Variants in GLDC observed in about 807,000 individuals in gnomAD.
GLDC encodes the protein glycine decarboxylase.
A neutral mutation model predicts 121.3 loss-of-function variants in GLDC; 104 were observed. That is an observed-to-expected ratio of 0.86 (90% confidence interval 0.73 to 1.01). The LOEUF is 1.01. Among genes scored for constraint, GLDC ranks in the 50% least tolerant of loss-of-function variants. The pLI is 0.00. For synonymous variants in GLDC, 546 were observed against 480.6 expected, an observed-to-expected ratio of 1.14 and a Z score of -1.78; for missense variants, 1,429 against 1,306.6, an observed-to-expected ratio of 1.09 and a Z score of -1.44.
chr9:6,556,793 C>CA (rs71308875), intron 17 of GLDC, among the ~76,000 whole-genome samples: 50,726 of 138,252 alleles, frequency 0.37, 8,898 homozygotes, highest in East Asian at 0.44. Flanking sequence ...GACTCCACGT[C>CA]AAAAAAAAAA....
In GLDC at chr9:6,604,637, G is replaced by A. The variant is rs386833517; in HGVS notation, c.1009C>T (p.Arg337Ter). ...GGCATCATTCTCACCAAGCTTTCTC[G>A]GACAGCAAAAAATGCTGCATGGGGT... ...GGPHAAFFAV[R>*]ESLVRMMPGR... The change falls in exon 7 of 25, where the codon CGA becomes TGA. Residue 337 changes from arginine to a stop codon, truncating the protein, a stop_gained. Coordinates refer to ENST00000321612, the MANE Select transcript of GLDC (RefSeq NM_000170.3). LOFTEE classifies it high-confidence loss of function. The A allele has an allele frequency of 1.3e-5, 21 of 1,613,410 alleles. No individual in the cohort carries two copies. Among genetic ancestry groups the A allele is most frequent in the Non-Finnish European group, 1.5e-5 (18 of 1,179,986 alleles).
At chr9:6,550,029 G>C (rs1817479288) in intron 21 of GLDC, among the ~76,000 whole-genome samples, 2 of 152,090 alleles carry the variant, frequency 1.3e-5, no homozygotes, top group South Asian at 4.1e-4. Context: ...CCAGACCAGA[G>C]AGCTTTCTTT....
In GLDC at chr9:6,592,234, A is replaced by G; in HGVS notation, c.1402-11T>C. On this transcript the variant is annotated splice_polypyrimidine_tract_variant and intron_variant, in intron 10 of 24. Transcript: ENST00000321612. ...AAGAGAAATACCAAGCTACAGAAAC[A>G]CAAACAAAATGGAAAACATCAACTC... The G allele has an allele frequency of 6.5e-7, 1 of 1,549,160 alleles. No individual in the cohort carries two copies. The highest frequency in any genetic ancestry group is 8.9e-7 in the Non-Finnish European group (1 of 1,121,644).
chr9:6,563,946 T>C (rs1196167176), intron 16 of GLDC, among the ~76,000 whole-genome samples: 1 of 150,650 alleles, frequency 6.6e-6, no homozygotes, highest in African/African-American at 2.4e-5. Flanking sequence ...CAGTGAGCTA[T>C]GAAGAGAAAA....
chr9:6,549,866 T>A (rs1214624205), intron 21 of GLDC, among the ~76,000 whole-genome samples: 4 of 152,132 alleles, frequency 2.6e-5, no homozygotes, highest in African/African-American at 9.7e-5. Context: ...AACGGTCTCT[T>A]CATGAATCCC....
At chr9:6,624,945 G>T (rs992000616) in intron 2 of GLDC, among the ~76,000 whole-genome samples, 1 of 151,140 alleles carries the variant, frequency 6.6e-6, no homozygotes, top group Non-Finnish European at 1.5e-5. Context: ...CTGAGATCAC[G>T]CCACTGCACT....
At chr9:6,586,386 A>G (rs1818273344) in intron 15 of GLDC, among the ~76,000 whole-genome samples, 1 of 152,112 alleles carries the variant, frequency 6.6e-6, no homozygotes, top group Non-Finnish European at 1.5e-5. Flanking sequence ...CGGGGCCCGG[A>G]GTTTGTATTT....
rs868407173 is a variant in GLDC at position 6,606,654 on chromosome 9, C to A, written c.651G>T (p.Arg217Ser). Residue 217 changes from arginine (R) to serine (S), a missense_variant, in exon 5 of 25, where the codon AGG (arginine) becomes AGT (serine). By Grantham distance (110) the Arg-to-Ser change is moderately radical. Transcript: ENST00000321612. ...LQLCYRHNKR[R>S]KFLVDPRCHP... ...GGCAACGGGGATCAACGAGAAATTT[C>A]CTCCTCTTGTTGTGTCTGTTGAAAA... 31 of 1,602,158 alleles carry A rather than the reference C, an allele frequency of 1.9e-5. No individual in the cohort carries two copies. The highest frequency in any genetic ancestry group is 2.7e-5 in the Non-Finnish European group (31 of 1,169,506).
At position 6,539,746 on chromosome 9, in the gene GLDC, G is replaced by C. The variant is rs180760410; in HGVS notation, c.2665+305C>G. Among the ~76,000 whole-genome samples the C allele has an allele frequency of 7.8e-4, 119 of 152,286 alleles. No individual in the cohort carries two copies. The Middle Eastern group carries it at 0.01, about 13-fold the overall frequency. ...CCATTTGTCTCTACCACTTCGATGG[G>C]TTACTTGCTCTGTCTCCTTTACCAC... On this transcript the variant is annotated intron_variant, in intron 22 of 24. Transcript: ENST00000321612.
At chr9:6,613,641 A>T (rs887166247) in intron 3 of GLDC, among the ~76,000 whole-genome samples, 8 of 152,214 alleles carry the variant, frequency 5.3e-5, no homozygotes, top group African/African-American at 1.9e-4. Flanking sequence ...ATCTTGATTT[A>T]TTTAACGAGT....
intron 21 of GLDC, among the ~76,000 whole-genome samples, chr9:6,543,378 G>C (rs1817311368): frequency 6.6e-6 from 1 of 152,148 alleles, no homozygotes; most frequent in Non-Finnish European, 1.5e-5. Flanking sequence ...GAGGAGGGGA[G>C]AGACACAGTG....
Position 6,588,309 on chromosome 9 carries a change from C to T in GLDC, c.1707+92G>A, listed in dbSNP as rs1020659963. 4.6e-5 allele frequency: 40 copies of T among 865,474 alleles called. No homozygotes were observed. The African/African-American group carries it at 5.9e-4, about 13-fold the overall frequency. The allele number at this position is 865,474 out of a possible 1,614,324, so 53.6% of individuals were successfully genotyped here. A position where few individuals can be genotyped will look rare whatever the true frequency, so the allele number is the denominator to read the frequency against. ...AAATAGTTCTTCAATCACAGAATCA[C>T]AGTCCCAGTAGATTTCACTAGTTCT... is the stretch of plus-strand genomic sequence containing the variant. On this transcript the variant is annotated intron_variant, in intron 14 of 24. Coordinates refer to ENST00000321612, the MANE Select transcript of GLDC (RefSeq NM_000170.3).
At chr9:6,615,499 G>A (rs1386683634) in intron 3 of GLDC, among the ~76,000 whole-genome samples, 1 of 151,618 alleles carries the variant, frequency 6.6e-6, no homozygotes, top group East Asian at 1.9e-4. Context: ...GGAGGATTAC[G>A]TGAGCCAAGG....
intron 2 of GLDC, among the ~76,000 whole-genome samples, chr9:6,630,832 C>T (rs914971493): frequency 2.0e-5 from 3 of 152,138 alleles, no homozygotes; most frequent in Non-Finnish European, 4.4e-5. Flanking sequence ...CCCAACATCA[C>T]CCAGTCATTT....
chr9:6,621,445 C>T (rs574462459), intron 2 of GLDC, among the ~76,000 whole-genome samples: 2 of 152,322 alleles, frequency 1.3e-5, no homozygotes, highest in East Asian at 3.9e-4. Flanking sequence ...TAAAGGATTA[C>T]TAATCCAATC....
Position 6,606,686 on chromosome 9 carries a change from G to T in GLDC, c.636-17C>A. On this transcript the variant is annotated splice_polypyrimidine_tract_variant and intron_variant, in intron 4 of 24. Transcript: ENST00000321612. ...TTGTTGTGTCTGTTGAAAAGAAAAA[G>T]CACATTCCAACGTGAACATTAAATA... The T allele has an allele frequency of 6.8e-7, 1 of 1,477,802 alleles. No homozygotes were observed. The highest frequency in any genetic ancestry group is 9.5e-7 in the Non-Finnish European group (1 of 1,056,910). The allele number at this position is 1,477,802 out of a possible 1,614,324, so 91.5% of individuals were successfully genotyped here. A position where few individuals can be genotyped will look rare whatever the true frequency, so the allele number is the denominator to read the frequency against.
intron 3 of GLDC, among the ~76,000 whole-genome samples, chr9:6,611,274 A>G (rs987964881): frequency 3.3e-5 from 5 of 152,260 alleles, no homozygotes; most frequent in Admixed American, 2.0e-4. Flanking sequence ...TAGTTCCTTC[A>G]TCCTTACAGG....
intron 3 of GLDC, among the ~76,000 whole-genome samples, chr9:6,613,615 T>C (rs1343703489): frequency 6.6e-6 from 1 of 152,234 alleles, no homozygotes; most frequent in Non-Finnish European, 1.5e-5. Context: ...ATTTAAGTTA[T>C]AATTTCTTCA....
intron 1 of GLDC, 99 bp from the exon 2 acceptor site, chr9:6,644,791 C>G: frequency 1.2e-6 from 1 of 811,052 alleles, no homozygotes. Flanking sequence ...TCATTGAAAT[C>G]GCCTAATTAG....
Sources: gnomAD v4.1 joint callset for allele counts (sites outside exome capture counted in the v4.1 genomes callset) on GRCh38, gnomAD v4.1.1 for gene constraint, MANE v1.5 for transcripts, NCBI Gene and HGNC (gene_info 2026-07-23, HGNC 2026-07-21) for gene names.